Variants in CCDC15 observed in about 807,000 individuals in gnomAD.
CCDC15 encodes the protein coiled-coil domain containing 15, also known as coiled-coil domain-containing protein 15.
In CCDC15, 105 loss-of-function variants were observed where a neutral mutation model predicts 114.5. The ratio of observed to expected loss-of-function variants is 0.92; its 90% CI spans 0.78 to 1.08. CCDC15 has a LOEUF of 1.08. CCDC15 is among the 50% of genes least tolerant of loss of function. The probability of loss-of-function intolerance (pLI) is 0.00; values close to 1 mark genes in which losing one functional copy is unlikely to be tolerated. For synonymous variants in CCDC15, 334 were observed against 377.8 expected (o/e 0.88, Z 1.34); for missense variants, 1,105 against 1,093.6 (o/e 1.01, Z -0.15).
intron 11 of CCDC15, among the ~76,000 whole-genome samples, chr11:125,000,053 G>T (rs931131943): frequency 6.6e-6 from 1 of 151,482 alleles, no homozygotes; most frequent in African/African-American, 2.4e-5. Context: ...AGTGGAAACG[G>T]GGTTTCACCA....
At chr11:125,021,155 T>C (rs945146106) in intron 13 of CCDC15, among the ~76,000 whole-genome samples, 10 of 151,814 alleles carry the variant, frequency 6.6e-5, no homozygotes, top group Admixed American at 6.6e-4. Flanking sequence ...ACACCTAGTG[T>C]AGAGCAGATG....
chr11:124,980,035 T>G (rs1313080773), intron 6 of CCDC15, among the ~76,000 whole-genome samples: 1 of 152,184 alleles, frequency 6.6e-6, no homozygotes, highest in Admixed American at 6.5e-5. Context: ...GAGATCATCA[T>G]GTGGTTTTTG....
At chr11:124,958,842 G>A (rs1325107492) in intron 2 of CCDC15, among the ~76,000 whole-genome samples, 4 of 152,206 alleles carry the variant, frequency 2.6e-5, no homozygotes, top group Non-Finnish European at 5.9e-5. Flanking sequence ...TGAGTGGTAA[G>A]TAACCTGGTG....
chr11:124,977,985 T>TC (rs761122593), intron 6 of CCDC15, among the ~76,000 whole-genome samples: 11 of 152,230 alleles, frequency 7.2e-5, no homozygotes, highest in African/African-American at 2.6e-4. Flanking sequence ...TAGGTAGTTT[T>TC]CCCATCCTCA....
intron 13 of CCDC15, among the ~76,000 whole-genome samples, chr11:125,010,074 A>C (rs952321300): frequency 6.6e-6 from 1 of 152,198 alleles, no homozygotes; most frequent in Non-Finnish European, 1.5e-5. Context: ...CGCTTTCCAC[A>C]GTGGCTGAAC....
intron 8 of CCDC15, among the ~76,000 whole-genome samples, chr11:124,990,246 C>T (rs987120139): frequency 5.3e-5 from 8 of 152,142 alleles, no homozygotes; most frequent in Non-Finnish European, 7.4e-5. Flanking sequence ...TGAGAACACA[C>T]ACAACATTTA....
At chr11:125,027,586 A>AT (rs1948712416) in intron 13 of CCDC15, among the ~76,000 whole-genome samples, 1 of 147,152 alleles carries the variant, frequency 6.8e-6, no homozygotes, top group African/African-American at 2.5e-5. Flanking sequence ...TGATGGGATT[A>AT]TTTGTTTTTT....
At chr11:125,036,894 CTTT>C (rs1193506074) in intron 13 of CCDC15, among the ~76,000 whole-genome samples, 1 of 152,162 alleles carries the variant, frequency 6.6e-6, no homozygotes, top group Non-Finnish European at 1.5e-5. Context: ...TCTTGAATTT[CTTT>C]GAGTTTCCTC....
Position 124,991,601 on chromosome 11 carries a change from G to T in CCDC15, c.2031+18G>T. On this transcript the variant is annotated intron_variant, in intron 9 of 15. Transcript: ENST00000344762. ...AAAATCAGGTAGAGTAGAAGAAAAA[G>T]ATATAAACAGGAAGGAAGTACCCAG... 1 of 1,581,772 alleles carries T rather than the reference G, an allele frequency of 6.3e-7. No homozygotes were observed. The highest frequency in any genetic ancestry group is 8.6e-7 in the Non-Finnish European group (1 of 1,163,478).
At position 124,977,530 on chromosome 11, in the gene CCDC15, G is replaced by T; in HGVS notation, c.683G>T (p.Gly228Val). 1.2e-6 allele frequency: 2 copies of T among 1,607,624 alleles called. No homozygotes were observed. Among genetic ancestry groups the T allele is most frequent in the Non-Finnish European group, 1.7e-6 (2 of 1,176,806 alleles). Reference protein sequence around the residue: ...ASTGINTGIRGELPIKVHQGL... With the variant: ...ASTGINTGIRVELPIKVHQGL... Reference sequence around the variant, plus strand: ...ACTGGGATAAATACAGGAATAAGAGGAGAGTTGCCCATTAAGGTCCATCAA... The same window carrying T: ...ACTGGGATAAATACAGGAATAAGAGTAGAGTTGCCCATTAAGGTCCATCAA... Residue 228 changes from glycine to valine, a missense_variant, in exon 6 of 16, where the codon GGA becomes GTA. Gly to Val is a moderately radical substitution (Grantham distance 109). Coordinates refer to ENST00000344762, the MANE Select transcript of CCDC15 (RefSeq NM_025004.3).
intron 11 of CCDC15, among the ~76,000 whole-genome samples, chr11:124,999,788 C>T (rs1343070935): frequency 1.3e-5 from 2 of 151,546 alleles, no homozygotes; most frequent in African/African-American, 4.8e-5. Context: ...ATTATCTTTA[C>T]CCCTCAGAAT....
intron 4 of CCDC15, among the ~76,000 whole-genome samples, chr11:124,972,625 A>C (rs968982197): frequency 1.3e-5 from 2 of 152,190 alleles, no homozygotes; most frequent in Non-Finnish European, 2.9e-5. Flanking sequence ...GAAATTTATT[A>C]TCTCTCAGTT....
At chr11:125,035,541 A>G (rs36028567) in intron 13 of CCDC15, among the ~76,000 whole-genome samples, 2 of 151,008 alleles carry the variant, frequency 1.3e-5, no homozygotes, top group Non-Finnish European at 3.0e-5. Flanking sequence ...GCCACTCAAC[A>G]TCTTTTGTTT....
At chr11:124,956,941 G>A (rs1456594142) in intron 2 of CCDC15, among the ~76,000 whole-genome samples, 1 of 151,954 alleles carries the variant, frequency 6.6e-6, no homozygotes, top group Non-Finnish European at 1.5e-5. Context: ...AAATTTCAGG[G>A]GGCCATCAGG....
At chr11:125,033,739 C>A (rs953762499) in intron 13 of CCDC15, among the ~76,000 whole-genome samples, 7 of 152,078 alleles carry the variant, frequency 4.6e-5, no homozygotes, top group South Asian at 2.1e-4. Context: ...TTTAGCTAAC[C>A]AAGCAGACAA....
intron 12 of CCDC15, among the ~76,000 whole-genome samples, chr11:125,004,776 T>C (rs904952056): frequency 6.6e-6 from 1 of 152,146 alleles, no homozygotes; most frequent in Non-Finnish European, 1.5e-5. Flanking sequence ...GGTTCTGTTA[T>C]GAAATATCTT....
At position 124,975,157 on chromosome 11, in the gene CCDC15, A is replaced by T. The variant is rs1333546245; in HGVS notation, c.578A>T (p.Lys193Ile). The change falls in exon 5 of 16, where the codon AAA (lysine) becomes ATA (isoleucine). Residue 193 changes from lysine to isoleucine, a missense_variant. Lys to Ile is a moderately radical substitution (Grantham distance 102, BLOSUM62 -3). Transcript: ENST00000344762. ...RLASFKTVIK[K>I]KGSVFPDDGR... ...GCATCCTTTAAAACCGTGATTAAAA[A>T]AAAGGGATCAGTGTTTCCAGATGAT... 2 of 1,606,664 alleles carry T rather than the reference A, an allele frequency of 1.2e-6. No homozygotes were observed. The highest frequency in any genetic ancestry group is 3.4e-5 in the Admixed American group (2 of 58,612).
chr11:124,987,299 C>T lies in CCDC15; in HGVS notation c.1073C>T (p.Pro358Leu). 6.2e-7 allele frequency: 1 copy of T among 1,611,306 alleles called. No homozygotes were observed. Among genetic ancestry groups the T allele is most frequent in the Non-Finnish European group, 8.5e-7 (1 of 1,178,898 alleles). The change falls in exon 8 of 16, where the codon CCA becomes CTA. Residue 358 changes from proline (P) to leucine (L), a missense_variant. Physicochemically the swap from Pro to Leu is moderately conservative, Grantham distance 98 (BLOSUM62 -3). Transcript: ENST00000344762. ...GDLTGIQSVK[P>L]DTQAVEMKVQ... Reference sequence around the variant, plus strand: ...TTGACAGGAATCCAGAGTGTTAAGCCAGATACCCAGGCTGTTGAAATGAAG... The same window carrying T: ...TTGACAGGAATCCAGAGTGTTAAGCTAGATACCCAGGCTGTTGAAATGAAG...
At chr11:124,993,627 C>T (rs1342178613) in intron 11 of CCDC15, among the ~76,000 whole-genome samples, 1 of 152,106 alleles carries the variant, frequency 6.6e-6, no homozygotes, top group Non-Finnish European at 1.5e-5. Flanking sequence ...TTCCATAGCG[C>T]CATGGATATA....
Sources: allele counts gnomAD v4.1 joint callset (sites outside exome capture counted in the v4.1 genomes callset), GRCh38; gene constraint gnomAD v4.1.1; transcripts MANE v1.5; gene names NCBI Gene and HGNC (gene_info 2026-07-23, HGNC 2026-07-21).